The following AGAP1 variants were observed in gnomAD, a reference collection of about 807,000 sequenced individuals.
The protein encoded by AGAP1 is ArfGAP with GTPase domain, ankyrin repeat and PH domain 1.
A neutral mutation model predicts 105.3 loss-of-function variants in AGAP1; 29 were observed. The ratio of observed to expected loss-of-function variants is 0.28; its 90% CI spans 0.21 to 0.38. The LOEUF (loss-of-function observed/expected upper bound fraction) is 0.38, where lower values mean the gene tolerates loss of function less well. Ranked by LOEUF, AGAP1 falls within the 10% of genes least tolerant of loss-of-function variation. The pLI is 1.00. For synonymous variants in AGAP1, 509 were observed against 485.9 expected (o/e 1.05, Z -0.63); for missense variants, 998 against 1,165.1 (o/e 0.86, Z 2.09).
chr2:235,694,810 A>G (rs1356729570), intron 1 of AGAP1, among the ~76,000 whole-genome samples: 1 of 151,952 alleles, frequency 6.6e-6, no homozygotes, highest in Non-Finnish European at 1.5e-5. Context: ...TCTCCTGAGG[A>G]GTTATGGGTG....
At chr2:235,791,007 C>T (rs1453336217) in intron 6 of AGAP1, among the ~76,000 whole-genome samples, 1 of 152,200 alleles carries the variant, frequency 6.6e-6, no homozygotes, top group Non-Finnish European at 1.5e-5. Flanking sequence ...AAGAGACCAT[C>T]ATGGATGTGT....
At chr2:235,722,756 C>T (rs1459592270) in intron 3 of AGAP1, among the ~76,000 whole-genome samples, 2 of 152,162 alleles carry the variant, frequency 1.3e-5, no homozygotes, top group Non-Finnish European at 2.9e-5. Flanking sequence ...ATTCAACCCA[C>T]AGCAGTGTGT....
At chr2:235,543,741 G>A (rs544870053) in intron 1 of AGAP1, among the ~76,000 whole-genome samples, 5 of 152,180 alleles carry the variant, frequency 3.3e-5, no homozygotes, top group African/African-American at 1.2e-4. Context: ...AAACCACCTC[G>A]GGCCTGTGCA....
chr2:235,690,930 G>A lies in AGAP1; in HGVS notation c.164-18249G>A, dbSNP rs189857263. Among the ~76,000 whole-genome samples, 76 of 152,258 alleles carry A rather than the reference G, an allele frequency of 5.0e-4. No individual in the cohort carries two copies. Among genetic ancestry groups the A allele is most frequent in the African/African-American group, 1.8e-3 (74 of 41,542 alleles). ...CGGATCTGGCCTGAGGGTTTGGCAG[G>A]GATTCGTGGCTGCTATTTTAGATAT... is the stretch of plus-strand genomic sequence containing the variant. On this transcript the variant is annotated intron_variant, in intron 1 of 17. Coordinates refer to ENST00000304032, the MANE Select transcript of AGAP1 (RefSeq NM_001037131.3). The surrounding 1 kb of genome is among the most constrained non-coding windows in gnomAD (Gnocchi z 4.1).
chr2:235,588,228 C>A (rs866471234), intron 1 of AGAP1, among the ~76,000 whole-genome samples: 593 of 131,114 alleles, frequency 4.5e-3, no homozygotes, highest in Middle Eastern at 8.0e-3. Context: ...GACTCCGTCT[C>A]AAAAAAAAAA....
intron 6 of AGAP1, among the ~76,000 whole-genome samples, chr2:235,763,286 C>T (rs1954623321): frequency 6.6e-6 from 1 of 151,320 alleles, no homozygotes; most frequent in Non-Finnish European, 1.5e-5. Context: ...GATGCTCAGC[C>T]TGCAAATATT....
rs1358491750 is a variant in AGAP1, at chr2:235,799,841, T to G, written c.957+319T>G. ...TGGATACAAGGAGATGACAAAACTC[T>G]AAGATTCCCAGATGTGTGTCTCTAA... On this transcript the variant is annotated intron_variant, in intron 8 of 17. Coordinates refer to ENST00000304032, the MANE Select transcript of AGAP1 (RefSeq NM_001037131.3). The surrounding 1 kb of genome is among the most constrained non-coding windows in gnomAD (Gnocchi z 5.0). 6.6e-6 allele frequency among the ~76,000 whole-genome samples: 1 copy of G among 152,024 alleles called. No homozygotes were observed. The highest frequency in any genetic ancestry group is 1.5e-5 in the Non-Finnish European group (1 of 67,954).
At position 235,653,217 on chromosome 2, in the gene AGAP1, G is replaced by A. The variant is rs559336011; in HGVS notation, c.164-55962G>A. ...GCAGTGGCTCATGCCTGTAATCCCA[G>A]CACTTTGGGAGGCCAAGGCGGGCGG... On this transcript the variant is annotated intron_variant, in intron 1 of 17. Transcript: ENST00000304032. Among the ~76,000 whole-genome samples the A allele has an allele frequency of 2.5e-4, 38 of 152,214 alleles. No individual in the cohort carries two copies. The South Asian group carries it at 7.9e-3, about 32-fold the overall frequency.
intron 15 of AGAP1, among the ~76,000 whole-genome samples, chr2:236,043,745 G>GGGC (rs5839620): frequency 0.071 from 10,557 of 148,992 alleles, 458 homozygotes; most frequent in East Asian, 0.2. Flanking sequence ...AAGTGGGGGG[G>GGGC]GTGCTTAATT....
In AGAP1 at chr2:236,046,885, C is replaced by T. The variant is rs900570960; in HGVS notation, c.1892-2174C>T. Among the ~76,000 whole-genome samples, 3 of 152,196 alleles carry T rather than the reference C, an allele frequency of 2.0e-5. No homozygotes were observed. Among genetic ancestry groups the T allele is most frequent in the Admixed American group, 2.0e-4 (3 of 15,286 alleles). Reference sequence around the variant, plus strand: ...CAGTGGCTCATGCCTGTAATCCCAACACTTTGGGAGGCCCAGGCAGGAGGA... The same window carrying T: ...CAGTGGCTCATGCCTGTAATCCCAATACTTTGGGAGGCCCAGGCAGGAGGA... On this transcript the variant is annotated intron_variant, in intron 15 of 17. Transcript: ENST00000304032. This position sits in a 1 kb window ranked among gnomAD's most constrained non-coding sequence, Gnocchi z 5.2.
At chr2:235,972,061 G>A (rs1270851778) in intron 13 of AGAP1, among the ~76,000 whole-genome samples, 1 of 152,112 alleles carries the variant, frequency 6.6e-6, no homozygotes, top group Admixed American at 6.6e-5. Context: ...ACAGGCGTGA[G>A]CCACCACACC....
intron 16 of AGAP1, among the ~76,000 whole-genome samples, chr2:236,071,057 T>C (rs1398869463): frequency 6.6e-6 from 1 of 152,208 alleles, no homozygotes; most frequent in Non-Finnish European, 1.5e-5. Flanking sequence ...GAGGAGATCA[T>C]GTTTCTGAGA....
At chr2:235,709,558 G>C (rs1950730194) in intron 2 of AGAP1, among the ~76,000 whole-genome samples, 1 of 151,566 alleles carries the variant, frequency 6.6e-6, no homozygotes. Context: ...CCCATGGGTT[G>C]ATTTGTCCTT....
chr2:236,011,417 T>C (rs995223914), intron 13 of AGAP1, among the ~76,000 whole-genome samples: 4 of 152,254 alleles, frequency 2.6e-5, no homozygotes, highest in Non-Finnish European at 5.9e-5. Context: ...TTCATGTCCA[T>C]TGAGATTCGC....
intron 1 of AGAP1, among the ~76,000 whole-genome samples, chr2:235,708,780 A>G (rs6760092): frequency 0.077 from 11,688 of 152,296 alleles, 1,479 homozygotes; most frequent in African/African-American, 0.26. Context: ...GTGGACCGAC[A>G]GGCTATAACA....
At chr2:235,950,402 G>T (rs965488101) in intron 12 of AGAP1, among the ~76,000 whole-genome samples, 1 of 151,944 alleles carries the variant, frequency 6.6e-6, no homozygotes, top group Admixed American at 6.6e-5. Flanking sequence ...CAAATGCCGG[G>T]AGTATATGCA....
chr2:235,605,636 G>A (rs149402718), intron 1 of AGAP1, among the ~76,000 whole-genome samples: 13 of 152,344 alleles, frequency 8.5e-5, no homozygotes, highest in African/African-American at 3.1e-4. Flanking sequence ...TTTAAGAAAT[G>A]CAGGCACAGA....
In AGAP1 at chr2:235,691,794, C is replaced by T. The variant is rs370121709; in HGVS notation, c.164-17385C>T. 6.6e-5 allele frequency among the ~76,000 whole-genome samples: 10 copies of T among 152,270 alleles called. No homozygotes were observed. Among genetic ancestry groups the T allele is most frequent in the South Asian group, 6.2e-4 (3 of 4,816 alleles). The stretch of plus-strand genomic sequence containing the variant: ...TCATGTTGACCCCTGCACTCCTGCC[C>T]GCCCCCCATTCACCCACTAGGAGAA... On this transcript the variant is annotated intron_variant, in intron 1 of 17. Transcript: ENST00000304032. The surrounding 1 kb of genome is among the most constrained non-coding windows in gnomAD (Gnocchi z 4.4).
At chr2:235,565,691 G>A (rs551427801) in intron 1 of AGAP1, among the ~76,000 whole-genome samples, 3 of 152,052 alleles carry the variant, frequency 2.0e-5, no homozygotes, top group Admixed American at 1.3e-4. Flanking sequence ...AGACAGGGTC[G>A]GCTCTGTCAC....
Sources: gnomAD v4.1 joint callset for allele counts (sites outside exome capture counted in the v4.1 genomes callset) on GRCh38, gnomAD v4.1.1 for gene constraint, Gnocchi (gnomAD v3.1) non-coding constraint, MANE v1.5 for transcripts, NCBI Gene and HGNC (gene_info 2026-07-23, HGNC 2026-07-21) for gene names.